Variants in CAVIN1 observed in about 807,000 individuals in gnomAD.
CAVIN1 encodes the protein caveolae-associated protein 1.
A neutral mutation model predicts 24.0 loss-of-function variants in CAVIN1; 16 were observed. The observed-to-expected ratio is 0.67, with a 90% CI of 0.45 to 1.01. CAVIN1 has a LOEUF of 1.01. Ranked by LOEUF, CAVIN1 falls within the 50% of genes least tolerant of loss-of-function variation. The pLI is 0.00. For missense variants in CAVIN1, 510 were observed against 551.7 expected (o/e 0.92, Z 0.76); for synonymous variants, 256 against 256.4 (o/e 1.00, Z 0.02).
At chr17:42,418,934 G>A (rs1464508112) in intron 1 of CAVIN1, among the ~76,000 whole-genome samples, 3 of 152,176 alleles carry the variant, frequency 2.0e-5, no homozygotes, top group East Asian at 3.8e-4. Context: ...GCTCATGCCT[G>A]TAGTCTCAGC....
At position 42,404,359 on chromosome 17, in the gene CAVIN1, G is replaced by C. The variant is rs1390080838; in HGVS notation, c.*328C>G. Reference sequence around the variant, plus strand: ...CAGCTGGGTGGGTGGTGTGGGGAGAGGCTGAGGGGAAGGCAGCCCCCCCAG... The same window carrying C: ...CAGCTGGGTGGGTGGTGTGGGGAGACGCTGAGGGGAAGGCAGCCCCCCCAG... On this transcript the variant is annotated 3_prime_UTR_variant, in exon 2 of 2. Transcript: ENST00000357037. 6 of 226,264 alleles carry C rather than the reference G, an allele frequency of 2.7e-5. No homozygotes were observed. Among genetic ancestry groups the C allele is most frequent in the Non-Finnish European group, 5.2e-5 (6 of 116,502 alleles). The allele number at this position is 226,264 out of a possible 1,614,324, so 14.0% of individuals were successfully genotyped here.
At chr17:42,416,347 G>A (rs1871002274) in intron 1 of CAVIN1, among the ~76,000 whole-genome samples, 1 of 148,364 alleles carries the variant, frequency 6.7e-6, no homozygotes, top group African/African-American at 2.5e-5. Context: ...CGGCCTGGGT[G>A]ACAGAGCAAG....
Position 42,422,754 on chromosome 17 carries a change from C to A in CAVIN1, c.344G>T (p.Arg115Leu). 4 of 1,612,538 alleles carry A rather than the reference C, an allele frequency of 2.5e-6. No individual in the cohort carries two copies. The South Asian group carries it at 3.3e-5, about 13-fold the overall frequency. ...NTVSKLLEKV[R>L]KVSVNVKTVR... is the part of the protein sequence containing the mutation. ...GGTCTTCACGTTGACGCTGACCTTG[C>A]GCACCTTCTCCAGCAGCTTGCTCAC... The change falls in exon 1 of 2, where the codon CGC becomes CTC. Residue 115 changes from arginine to leucine, a missense_variant. Coordinates refer to ENST00000357037, the MANE Select transcript of CAVIN1 (RefSeq NM_012232.6).
intron 1 of CAVIN1, among the ~76,000 whole-genome samples, chr17:42,411,084 T>C (rs1327803852): frequency 2.0e-5 from 3 of 148,002 alleles, no homozygotes; most frequent in Non-Finnish European, 4.5e-5. Context: ...TCCCAGCTAC[T>C]TGGGAGGCTG....
In CAVIN1 at chr17:42,404,161, C is replaced by T. The variant is rs2085427706; in HGVS notation, c.*526G>A. 3 of 153,524 alleles carry T rather than the reference C, an allele frequency of 2.0e-5. No individual in the cohort carries two copies. The highest frequency in any genetic ancestry group is 1.4e-5 in the Non-Finnish European group (1 of 68,974). 9.5% of individuals were successfully genotyped at this position (153,524 alleles called of 1,614,324 possible). ...TGAGGGCTCATTCTGCTCTGTCTTC[C>T]CCACTGCCTCAGTTTCCCCCAAAAG... On this transcript the variant is annotated 3_prime_UTR_variant, in exon 2 of 2. Coordinates refer to ENST00000357037, the MANE Select transcript of CAVIN1 (RefSeq NM_012232.6).
Position 42,404,877 on chromosome 17 carries a change from A to AT in CAVIN1, c.982dup (p.Ile328AsnfsTer97). 1 of 1,613,610 alleles carries AT rather than the reference A, an allele frequency of 6.2e-7. No individual in the cohort carries two copies. The highest frequency in any genetic ancestry group is 8.5e-7 in the Non-Finnish European group (1 of 1,179,806). On this transcript the variant is annotated frameshift_variant, in exon 2 of 2. Coordinates refer to ENST00000357037, the MANE Select transcript of CAVIN1 (RefSeq NM_012232.6). LOFTEE classifies it high-confidence loss of function. Reference sequence around the variant, plus strand: ...GAGCACTTCCACCTGGCCCTCGCGGATCTTCTTGACGTGGAAGGTGAAGGG... The same window carrying AT: ...GAGCACTTCCACCTGGCCCTCGCGGATTCTTCTTGACGTGGAAGGTGAAGGG...
rs60085741 is a variant in CAVIN1 at position 42,413,566 on chromosome 17, G to GAAAAAAAAAAAAAAAAA, written c.472-8195_472-8179dup. Among the ~76,000 whole-genome samples, 10 of 56,958 alleles carry GAAAAAAAAAAAAAAAAA rather than the reference G, an allele frequency of 1.8e-4. 1 individual carries two copies. Among genetic ancestry groups the GAAAAAAAAAAAAAAAAA allele is most frequent in the Non-Finnish European group, 2.1e-4 (7 of 32,780 alleles). The allele number at this position is 56,958 out of a possible 152,430, so 37.4% of individuals were successfully genotyped here. On this transcript the variant is annotated intron_variant, in intron 1 of 1. Transcript: ENST00000357037. The stretch of plus-strand genomic sequence containing the variant: ...AGAGCAAAAGTCTGTCTCAAAAAGG[G>GAAAAAAAAAAAAAAAAA]AAAAAAAAAAAAAAAAAAAAAAAAA...
At position 42,423,146 on chromosome 17, in the gene CAVIN1, C is replaced by G. The variant is rs967286497; in HGVS notation, c.-49G>C. Reference sequence around the variant, plus strand: ...CGGCCGGGTGGGGCTGGAGCTGGAGCGGGAGACCCGGAGAGAAGCAGGAGC... The same window carrying G: ...CGGCCGGGTGGGGCTGGAGCTGGAGGGGGAGACCCGGAGAGAAGCAGGAGC... On this transcript the variant is annotated 5_prime_UTR_variant, in exon 1 of 2. Transcript: ENST00000357037. 4 of 1,397,806 alleles carry G rather than the reference C, an allele frequency of 2.9e-6. No homozygotes were observed. The African/African-American group carries it at 4.3e-5, about 15-fold the overall frequency. The allele number at this position is 1,397,806 out of a possible 1,614,324, so 86.6% of individuals were successfully genotyped here.
Position 42,403,414 on chromosome 17 carries a change from G to C in CAVIN1, c.*1273C>G, listed in dbSNP as rs1300430765. 5.9e-5 allele frequency: 9 copies of C among 152,818 alleles called. No individual in the cohort carries two copies. 9.5% of individuals were successfully genotyped at this position (152,818 alleles called of 1,614,324 possible). A position where few individuals can be genotyped will look rare whatever the true frequency, so the allele number is the denominator to read the frequency against. On this transcript the variant is annotated 3_prime_UTR_variant, in exon 2 of 2. Coordinates refer to ENST00000357037, the MANE Select transcript of CAVIN1 (RefSeq NM_012232.6). ...CTAATTTTCTGGACTTTGAGAAATG[G>C]GCTGCCCCTGGGGGTGCCTCCAAGA...
intron 1 of CAVIN1, among the ~76,000 whole-genome samples, chr17:42,420,947 C>T (rs1282217244): frequency 6.6e-6 from 1 of 152,088 alleles, no homozygotes; most frequent in Non-Finnish European, 1.5e-5. Context: ...TCTCAATGTC[C>T]CCAGTACTAA....
intron 1 of CAVIN1, among the ~76,000 whole-genome samples, chr17:42,416,379 AGAG>A (rs2085511817): frequency 6.6e-6 from 1 of 151,730 alleles, no homozygotes; most frequent in Non-Finnish European, 1.5e-5. Flanking sequence ...GAAAGAAGAG[AGAG>A]AGAGAGAGAG....
Position 42,405,218 on chromosome 17 carries a change from C to T in CAVIN1, c.642G>A (p.Glu214=). The part of the protein sequence containing the change: ...DEAVEVEEVI[E]ESRAERIKRS... ...GCTTGATACGCTCTGCGCGGGACTC[C>T]TCAATAACCTCCTCAACCTCCACCG... Residue 214 remains glutamate, a synonymous_variant, in exon 2 of 2, where the codon GAG becomes GAA. Transcript: ENST00000357037. 6.2e-7 allele frequency: 1 copy of T among 1,613,966 alleles called. No homozygotes were observed. The highest frequency in any genetic ancestry group is 8.5e-7 in the Non-Finnish European group (1 of 1,179,960).
Position 42,404,733 on chromosome 17 carries a change from G to A in CAVIN1, c.1127C>T (p.Thr376Ile). The stretch of plus-strand genomic sequence containing the variant: ...CACCAGCACGGCGTCCGACTCCTCG[G>A]TGATCTCCAGCAGCGCGTGCACGTC... Reference protein sequence around the residue: ...SPDVHALLEITEESDAVLVDK... With the variant: ...SPDVHALLEIIEESDAVLVDK... Residue 376 changes from threonine (T) to isoleucine (I), a missense_variant, in exon 2 of 2, where the codon ACC becomes ATC. Physicochemically the swap from Thr to Ile is moderately conservative, Grantham distance 89 (BLOSUM62 -1). Coordinates refer to ENST00000357037, the MANE Select transcript of CAVIN1 (RefSeq NM_012232.6). 1 of 1,503,112 alleles carries A rather than the reference G, an allele frequency of 6.7e-7. No homozygotes were observed. 93.1% of individuals were successfully genotyped at this position (1,503,112 alleles called of 1,614,324 possible).
rs1488582540 is a variant in CAVIN1 at position 42,423,136 on chromosome 17, G to A, written c.-39C>T. On this transcript the variant is annotated 5_prime_UTR_variant, in exon 1 of 2. Transcript: ENST00000357037. ...CGTGCGGGACCGGCCGGGTGGGGCT[G>A]GAGCTGGAGCGGGAGACCCGGAGAG... 2 of 1,450,054 alleles carry A rather than the reference G, an allele frequency of 1.4e-6. No individual in the cohort carries two copies. The highest frequency in any genetic ancestry group is 4.7e-5 in the Admixed American group (2 of 42,496). The allele number at this position is 1,450,054 out of a possible 1,614,324, so 89.8% of individuals were successfully genotyped here.
chr17:42,410,088 A>G (rs369386933), intron 1 of CAVIN1, among the ~76,000 whole-genome samples: 1 of 152,152 alleles, frequency 6.6e-6, no homozygotes, highest in Non-Finnish European at 1.5e-5. Context: ...GAAGATTTTT[A>G]TAAGATTATA....
chr17:42,413,817 CT>C (rs934281517), intron 1 of CAVIN1, among the ~76,000 whole-genome samples: 3 of 152,100 alleles, frequency 2.0e-5, no homozygotes, highest in Non-Finnish European at 2.9e-5. Flanking sequence ...TGGATTATAA[CT>C]GGGGAGGCTC....
chr17:42,407,180 G>C (rs930245039), intron 1 of CAVIN1, among the ~76,000 whole-genome samples: 1 of 152,060 alleles, frequency 6.6e-6, no homozygotes, highest in African/African-American at 2.4e-5. Flanking sequence ...CAGAGAGCAG[G>C]GGAGGCTGAG....
rs541244244 is a variant in CAVIN1 at position 42,404,616 on chromosome 17, G to C, written c.*71C>G. 14 of 1,072,924 alleles carry C rather than the reference G, an allele frequency of 1.3e-5. No homozygotes were observed. Among genetic ancestry groups the C allele is most frequent in the African/African-American group, 8.4e-5 (5 of 59,516 alleles). The allele number at this position is 1,072,924 out of a possible 1,614,324, so 66.5% of individuals were successfully genotyped here. Reference sequence around the variant, plus strand: ...AATTTAGAAAAATCTCAGCCAGCTCGAGCCGAGAGAGAATGCGAAAGAGGA... The same window carrying C: ...AATTTAGAAAAATCTCAGCCAGCTCCAGCCGAGAGAGAATGCGAAAGAGGA... On this transcript the variant is annotated 3_prime_UTR_variant, in exon 2 of 2. Coordinates refer to ENST00000357037, the MANE Select transcript of CAVIN1 (RefSeq NM_012232.6).
At chr17:42,406,375 C>CAT (rs59023533) in intron 1 of CAVIN1, among the ~76,000 whole-genome samples, 2,489 of 140,952 alleles carry the variant, frequency 0.018, 62 homozygotes, top group African/African-American at 0.042. Flanking sequence ...CAAGCTATTT[C>CAT]TTTTTTTTTT....
Sources: gnomAD v4.1 joint callset for allele counts (sites outside exome capture counted in the v4.1 genomes callset) on GRCh38, gnomAD v4.1.1 for gene constraint, MANE v1.5 for transcripts, NCBI Gene and HGNC (gene_info 2026-07-23, HGNC 2026-07-21) for gene names.